The following DTNBP1 variants were observed in gnomAD, a reference collection of about 807,000 sequenced individuals.
DTNBP1 encodes the protein dystrobrevin binding protein 1.
In DTNBP1, 35 loss-of-function variants were observed where a neutral mutation model predicts 42.8. That is an observed-to-expected ratio of 0.82 (90% CI 0.63 to 1.09). The LOEUF (loss-of-function observed/expected upper bound fraction) is 1.09. Ranked by LOEUF, DTNBP1 falls within the 50% of genes least tolerant of loss-of-function variation. DTNBP1 has a pLI of 0.00. For missense variants in DTNBP1, 457 were observed against 424.2 expected (o/e 1.08, Z -0.68); for synonymous variants, 171 against 162.2 (o/e 1.05, Z -0.41).
intron 7 of DTNBP1, among the ~76,000 whole-genome samples, chr6:15,574,274 A>G (rs1351096319): frequency 1.3e-5 from 2 of 152,238 alleles, no homozygotes; most frequent in African/African-American, 4.8e-5. Context: ...ACACTGGTGG[A>G]GGCATCCTTA....
At chr6:15,620,511 A>G (rs538419301) in intron 5 of DTNBP1, among the ~76,000 whole-genome samples, 1 of 152,244 alleles carries the variant, frequency 6.6e-6, no homozygotes, top group South Asian at 2.1e-4. Flanking sequence ...GTTTTATTAA[A>G]TGAAAAACTG....
At position 15,627,338 on chromosome 6, in the gene DTNBP1, C is replaced by G; in HGVS notation, c.355+5G>C. The G allele has an allele frequency of 6.2e-7, 1 of 1,613,078 alleles. No homozygotes were observed. Among genetic ancestry groups the G allele is most frequent in the East Asian group, 2.2e-5 (1 of 44,856 alleles). On this transcript the variant is annotated splice_donor_5th_base_variant and intron_variant, in intron 5 of 9. Transcript: ENST00000344537. ...AGTAATGTACAATGAAAACATTGGA[C>G]TTACTCAGATTTGCTGTCATGGATT... is the stretch of plus-strand genomic sequence containing the variant.
chr6:15,591,926 G>A (rs1776315962), intron 7 of DTNBP1, among the ~76,000 whole-genome samples: 1 of 152,176 alleles, frequency 6.6e-6, no homozygotes, highest in Non-Finnish European at 1.5e-5. Flanking sequence ...ATGTATACAA[G>A]TAGTGGTTTA....
At chr6:15,638,831 G>A (rs1318833275) in intron 3 of DTNBP1, among the ~76,000 whole-genome samples, 1 of 137,436 alleles carries the variant, frequency 7.3e-6, no homozygotes, top group Non-Finnish European at 1.5e-5. Context: ...AACATAATTG[G>A]CCAGTACTTT....
intron 3 of DTNBP1, among the ~76,000 whole-genome samples, chr6:15,641,016 A>G (rs559665289): frequency 6.6e-6 from 1 of 152,348 alleles, no homozygotes; most frequent in East Asian, 1.9e-4. Context: ...TGCTGCTTCT[A>G]ATCAGGGAGA....
chr6:15,534,718 T>C (rs1203023487), intron 7 of DTNBP1, among the ~76,000 whole-genome samples: 1 of 150,848 alleles, frequency 6.6e-6, no homozygotes, highest in Non-Finnish European at 1.5e-5. Flanking sequence ...GCCATCATGG[T>C]GTATTACAAA....
chr6:15,642,913 G>T (rs563494864), intron 3 of DTNBP1, among the ~76,000 whole-genome samples: 1 of 152,214 alleles, frequency 6.6e-6, no homozygotes, highest in Non-Finnish European at 1.5e-5. Flanking sequence ...AAGCCAGGGT[G>T]TTCTGGCATC....
intron 8 of DTNBP1, among the ~76,000 whole-genome samples, chr6:15,529,383 A>G (rs1165140925): frequency 6.6e-6 from 1 of 152,270 alleles, no homozygotes; most frequent in East Asian, 1.9e-4. Flanking sequence ...TTCAATGGAA[A>G]TAAATATTTA....
chr6:15,556,400 T>C (rs1178209325), intron 7 of DTNBP1, among the ~76,000 whole-genome samples: 1 of 152,154 alleles, frequency 6.6e-6, no homozygotes, highest in African/African-American at 2.4e-5. Flanking sequence ...CAGGCTGGTA[T>C]TGAACTCCTG....
intron 3 of DTNBP1, among the ~76,000 whole-genome samples, chr6:15,643,189 G>C (rs1330831384): frequency 6.6e-6 from 1 of 152,156 alleles, no homozygotes; most frequent in Non-Finnish European, 1.5e-5. Context: ...AGACAAAGCA[G>C]AAGAATTACA....
At chr6:15,600,034 A>T (rs1035250597) in intron 6 of DTNBP1, among the ~76,000 whole-genome samples, 4 of 151,812 alleles carry the variant, frequency 2.6e-5, no homozygotes, top group Non-Finnish European at 5.9e-5. Context: ...CTGATAGGGT[A>T]GAAGGTGGAT....
intron 3 of DTNBP1, among the ~76,000 whole-genome samples, chr6:15,638,648 T>A (rs1442029326): frequency 6.6e-6 from 1 of 152,156 alleles, no homozygotes; most frequent in East Asian, 1.9e-4. Context: ...ACATCCTTAA[T>A]AAAGTGATCA....
At chr6:15,621,366 A>C (rs1051124394) in intron 5 of DTNBP1, among the ~76,000 whole-genome samples, 1 of 152,226 alleles carries the variant, frequency 6.6e-6, no homozygotes, top group Non-Finnish European at 1.5e-5. Flanking sequence ...CAGGAACTTA[A>C]ATGAGGTTGA....
intron 7 of DTNBP1, among the ~76,000 whole-genome samples, chr6:15,553,034 T>C (rs913194858): frequency 7.9e-5 from 12 of 152,236 alleles, no homozygotes; most frequent in Non-Finnish European, 1.3e-4. Context: ...GCTTAGTTTT[T>C]TGGTGTACGA....
At chr6:15,660,584 T>C in intron 1 of DTNBP1, 4 of 1,283,630 alleles carry the variant, frequency 3.1e-6, no homozygotes, top group Non-Finnish European at 4.1e-6. Flanking sequence ...AGCTCCAAAA[T>C]GGCCCCAGAC....
At chr6:15,662,185 C>T (rs1003298099) in intron 1 of DTNBP1, among the ~76,000 whole-genome samples, 31 of 152,270 alleles carry the variant, frequency 2.0e-4, no homozygotes, top group African/African-American at 7.2e-4. Flanking sequence ...TCCTAAAGTT[C>T]TGTCGCTTCT....
intron 5 of DTNBP1, among the ~76,000 whole-genome samples, chr6:15,622,780 G>A (rs915731813): frequency 3.3e-5 from 5 of 152,306 alleles, no homozygotes; most frequent in Non-Finnish European, 7.4e-5. Context: ...CAAGAAGGCC[G>A]TCCCAGAGGA....
chr6:15,615,677 T>G (rs1758677610), intron 5 of DTNBP1, among the ~76,000 whole-genome samples: 1 of 152,232 alleles, frequency 6.6e-6, no homozygotes, highest in African/African-American at 2.4e-5. Context: ...ATTATCTTGA[T>G]TAACGTAATG....
intron 7 of DTNBP1, among the ~76,000 whole-genome samples, chr6:15,563,337 T>C (rs1461860507): frequency 6.6e-6 from 1 of 152,168 alleles, no homozygotes; most frequent in African/African-American, 2.4e-5. Context: ...AGCAAAAGCA[T>C]AACTCATAAA....
Sources: gnomAD v4.1 joint callset for allele counts (sites outside exome capture counted in the v4.1 genomes callset) on GRCh38, gnomAD v4.1.1 for gene constraint, MANE v1.5 for transcripts, NCBI Gene and HGNC (gene_info 2026-07-23, HGNC 2026-07-21) for gene names.